Variants in ARHGEF3 observed in about 807,000 individuals in gnomAD.
ARHGEF3 encodes Rho guanine nucleotide exchange factor 3.
A neutral mutation model predicts 63.2 loss-of-function variants in ARHGEF3; 28 were observed. That is an observed-to-expected ratio of 0.44 (90% CI 0.33 to 0.61). ARHGEF3 has a LOEUF of 0.61. Among genes scored for constraint, ARHGEF3 ranks in the 20% least tolerant of loss-of-function variants. The pLI is 0.03. For synonymous variants in ARHGEF3, 266 were observed against 254.2 expected (o/e 1.05, Z -0.44); for missense variants, 533 against 659.3 (o/e 0.81, Z 2.10).
intron 2 of ARHGEF3, among the ~76,000 whole-genome samples, chr3:56,996,288 T>C (rs1361517622): frequency 6.6e-6 from 1 of 152,196 alleles, no homozygotes; most frequent in South Asian, 2.1e-4. Flanking sequence ...CTATCTTAGC[T>C]CTCCCTGCAC....
At chr3:57,013,048 CG>C (rs1702771654) in intron 2 of ARHGEF3, among the ~76,000 whole-genome samples, 1 of 152,202 alleles carries the variant, frequency 6.6e-6, no homozygotes, top group South Asian at 2.1e-4. Context: ...CCAGCACTGC[CG>C]GCCGGCCTGC....
intron 2 of ARHGEF3, among the ~76,000 whole-genome samples, chr3:56,756,406 A>T (rs899907048): frequency 3.3e-5 from 5 of 151,776 alleles, no homozygotes; most frequent in African/African-American, 1.2e-4. Flanking sequence ...CCATCCTGCC[A>T]CTCATCCATG....
upstream of ARHGEF3, chr3:56,801,998 GT>G: frequency 6.8e-7 from 1 of 1,474,800 alleles, no homozygotes; most frequent in Non-Finnish European, 8.9e-7. Flanking sequence ...GCCTTGATGG[GT>G]GGGGAGGGGG....
chr3:56,732,120 C>T (rs757641791), intron 9 of ARHGEF3, 118 bp downstream of exon 9: 15 of 1,183,320 alleles, frequency 1.3e-5, no homozygotes, highest in Non-Finnish European at 1.8e-5. Flanking sequence ...GATGAAATAG[C>T]ATACAAATGC....
intron 1 of ARHGEF3, among the ~76,000 whole-genome samples, chr3:57,036,266 C>T (rs1369812251): frequency 6.6e-6 from 1 of 152,114 alleles, no homozygotes; most frequent in Non-Finnish European, 1.5e-5. Flanking sequence ...GAGGGCATCT[C>T]CAAGTATGAG....
intron 3 of ARHGEF3, among the ~76,000 whole-genome samples, chr3:56,919,962 G>C (rs1208963413): frequency 6.6e-6 from 1 of 152,172 alleles, no homozygotes; most frequent in East Asian, 1.9e-4. Flanking sequence ...CCTGCTCTGG[G>C]ATATTCAAGA....
intron 1 of ARHGEF3, among the ~76,000 whole-genome samples, chr3:57,036,725 G>A (rs983549724): frequency 6.6e-6 from 1 of 152,198 alleles, no homozygotes; most frequent in Non-Finnish European, 1.5e-5. Flanking sequence ...TCTCCAGCCT[G>A]TCATCGTCCA....
intron 1 of ARHGEF3, among the ~76,000 whole-genome samples, chr3:56,794,835 T>C (rs1219091844): frequency 6.6e-6 from 1 of 152,134 alleles, no homozygotes; most frequent in Non-Finnish European, 1.5e-5. Flanking sequence ...TGTATTGTTA[T>C]TTTTTATTGT....
chr3:57,030,631 C>T (rs9840448), intron 2 of ARHGEF3, among the ~76,000 whole-genome samples: 10,890 of 152,210 alleles, frequency 0.072, 1,369 homozygotes, highest in African/African-American at 0.25. Context: ...TTTTCCCCCT[C>T]AAAATTCTCT....
intron 1 of ARHGEF3, among the ~76,000 whole-genome samples, chr3:57,069,680 C>T (rs1705774564): frequency 6.6e-6 from 1 of 151,856 alleles, no homozygotes; most frequent in Admixed American, 6.6e-5. Context: ...GGGTCTTGCT[C>T]TGTCGCCAAG....
chr3:56,806,395 C>T (rs1463377946), upstream of ARHGEF3, among the ~76,000 whole-genome samples: 2 of 152,218 alleles, frequency 1.3e-5, no homozygotes, highest in Non-Finnish European at 2.9e-5. Flanking sequence ...TGTGTGTTTA[C>T]GGGCTTAGGA....
At chr3:56,934,857 G>A (rs61382210) in intron 3 of ARHGEF3, among the ~76,000 whole-genome samples, 38,922 of 152,218 alleles carry the variant, frequency 0.26, 5,961 homozygotes, top group East Asian at 0.39. Context: ...GCGAGCACAC[G>A]GCGCTGGACT....
intron 1 of ARHGEF3, chr3:56,775,813 CA>C: frequency 3.1e-6 from 1 of 323,742 alleles, no homozygotes; most frequent in Non-Finnish European, 4.4e-6. Flanking sequence ...CACACACACA[CA>C]CACACACTGC....
chr3:56,994,898 T>C (rs558131471), intron 2 of ARHGEF3, among the ~76,000 whole-genome samples: 10 of 152,232 alleles, frequency 6.6e-5, no homozygotes, highest in African/African-American at 1.9e-4. Context: ...CTTGCTGTTC[T>C]TGTGACAGTG....
intron 2 of ARHGEF3, among the ~76,000 whole-genome samples, chr3:57,010,247 G>T (rs865947828): frequency 3.8e-4 from 58 of 152,216 alleles, no homozygotes; most frequent in African/African-American, 1.1e-3. Context: ...GAGGTCAGGA[G>T]ATAGAGACCA....
intron 3 of ARHGEF3, among the ~76,000 whole-genome samples, chr3:56,955,584 G>C (rs1000348468): frequency 6.6e-6 from 1 of 152,152 alleles, no homozygotes; most frequent in Non-Finnish European, 1.5e-5. Context: ...CATAAATGTG[G>C]AAAATTTGCT....
Position 56,996,868 on chromosome 3 carries a change from CATTATT to C in ARHGEF3, c.63-37985_63-37980del, listed in dbSNP as rs369182475. 5.7e-5 allele frequency among the ~76,000 whole-genome samples: 8 copies of C among 139,316 alleles called. 1 individual carries two copies. The highest frequency in any genetic ancestry group is 7.4e-3 in the Middle Eastern group (2 of 270). The allele number at this position is 139,316 out of a possible 152,430, so 91.4% of individuals were successfully genotyped here. ...CACAAATTCGGAAACTTTCTTAAAA[CATTATT>C]ATTATTATTATTATTATTTTTTTTT... On this transcript the variant is annotated intron_variant, in intron 2 of 12. Coordinates refer to the ARHGEF3 transcript ENST00000338458.
In ARHGEF3 at chr3:56,751,080, A is replaced by G. The variant is rs1459985134; in HGVS notation, c.588T>C (p.His196=). 1.2e-6 allele frequency: 2 copies of G among 1,614,136 alleles called. No homozygotes were observed. The highest frequency in any genetic ancestry group is 1.7e-6 in the Non-Finnish European group (2 of 1,179,998). The change falls in exon 6 of 10, where the codon CAT becomes CAC. Residue 196 remains histidine (H), a synonymous_variant. Coordinates refer to ENST00000296315, the MANE Select transcript of ARHGEF3 (RefSeq NM_019555.3). The stretch of plus-strand genomic sequence containing the variant: ...CCCAGCCCACGAGGATGGGACCAAC[A>G]TGTTCAGTCGAGCCATCAGGCTTCC... ...DVRKPDGSTE[H]VGPILVGWLP... is the part of the protein sequence containing the mutation.
At chr3:57,058,465 A>G (rs1484254793) in intron 1 of ARHGEF3, among the ~76,000 whole-genome samples, 1 of 152,230 alleles carries the variant, frequency 6.6e-6, no homozygotes, top group Non-Finnish European at 1.5e-5. Context: ...AAAAATAACA[A>G]CTTGAAATGC....
Sources: allele counts gnomAD v4.1 joint callset (sites outside exome capture counted in the v4.1 genomes callset), GRCh38; gene constraint gnomAD v4.1.1; transcripts MANE v1.5; gene names NCBI Gene and HGNC (gene_info 2026-07-23, HGNC 2026-07-21).